The following KLHL6 variants were observed in gnomAD, a reference collection of about 807,000 sequenced individuals.
KLHL6 encodes kelch like family member 6, also known as kelch-like protein 6.
A neutral mutation model predicts 58.6 loss-of-function variants in KLHL6; 41 were observed. The ratio of observed to expected loss-of-function variants is 0.70; its 90% CI spans 0.55 to 0.91. The LOEUF is 0.91. Among genes scored for constraint, KLHL6 ranks in the 40% least tolerant of loss-of-function variants. The pLI is 0.00. For synonymous variants in KLHL6, 338 were observed against 322.7 expected, an observed-to-expected ratio of 1.05 and a Z score of -0.51; for missense variants, 714 against 805.6, an observed-to-expected ratio of 0.89 and a Z score of 1.38.
intron 3 of KLHL6, among the ~76,000 whole-genome samples, chr3:183,504,249 T>C (rs533888390): frequency 6.6e-6 from 1 of 152,338 alleles, no homozygotes; most frequent in African/African-American, 2.4e-5. Context: ...CATTCATTAC[T>C]TAACTCTCAA....
chr3:183,492,109 T>G lies in KLHL6; in HGVS notation c.1684A>C (p.Ile562Leu). 1 of 1,613,884 alleles carries G rather than the reference T, an allele frequency of 6.2e-7. No individual in the cohort carries two copies. Among genetic ancestry groups the G allele is most frequent in the Non-Finnish European group, 8.5e-7 (1 of 1,180,018 alleles). The change falls in exon 7 of 7, where the codon ATC (isoleucine) becomes CTC (leucine). Residue 562 changes from isoleucine to leucine, a missense_variant. This residue lies in a region of KLHL6 where 510 missense variants were observed against 629.7 expected (regional missense o/e 0.81). Transcript: ENST00000341319. The surrounding 1 kb of genome is among the most constrained non-coding windows in gnomAD (Gnocchi z 5.9). ...GIAPCNNRLY[I>L]TGGRDEKNEV... The stretch of plus-strand genomic sequence containing the variant: ...TTCTTCTCGTCCCGCCCGCCGGTGA[T>G]GTAGAGCCGGTTGTTGCAGGGCGCG...
intron 1 of KLHL6, among the ~76,000 whole-genome samples, chr3:183,536,919 A>G (rs1712384114): frequency 6.6e-6 from 1 of 152,162 alleles, no homozygotes; most frequent in Admixed American, 6.5e-5. Flanking sequence ...ATCTCAGCTC[A>G]GTTCGTGGGA....
At chr3:183,527,059 A>G (rs1371244434) in intron 2 of KLHL6, among the ~76,000 whole-genome samples, 1 of 151,922 alleles carries the variant, frequency 6.6e-6, no homozygotes, top group Non-Finnish European at 1.5e-5. Flanking sequence ...AGATGGTGCC[A>G]TTGCATTCCA....
chr3:183,498,835 T>C (rs1560092050), intron 4 of KLHL6, among the ~76,000 whole-genome samples: 1 of 152,126 alleles, frequency 6.6e-6, no homozygotes, highest in Non-Finnish European at 1.5e-5. Context: ...ACTTTCGTAA[T>C]GAAAAAGTAT....
At chr3:183,519,043 C>CGAGCTGAAA (rs1307426102) in intron 2 of KLHL6, among the ~76,000 whole-genome samples, 2 of 152,134 alleles carry the variant, frequency 1.3e-5, no homozygotes, top group African/African-American at 2.4e-5. Context: ...CCTTGATCGC[C>CGAGCTGAAA]GAGCTGAAAG....
At position 183,538,752 on chromosome 3, in the gene KLHL6, T is replaced by C. The variant is rs138599743; in HGVS notation, c.294-10742A>G. Among the ~76,000 whole-genome samples, 48 of 152,266 alleles carry C rather than the reference T, an allele frequency of 3.2e-4. No homozygotes were observed. In the East Asian group the frequency reaches 7.1e-3, roughly 23 times the overall value. On this transcript the variant is annotated intron_variant, in intron 1 of 6. Coordinates refer to ENST00000341319, the MANE Select transcript of KLHL6 (RefSeq NM_130446.4). ...TCTATGGTCCCCAGCACTTCTTAGTTCAAGGCACCAAAACCTGAGCCAATA... is the reference window on the plus strand; with the variant it reads ...TCTATGGTCCCCAGCACTTCTTAGTCCAAGGCACCAAAACCTGAGCCAATA...
chr3:183,491,808 G>C lies in KLHL6; in HGVS notation c.*119C>G. On this transcript the variant is annotated 3_prime_UTR_variant, in exon 7 of 7. Coordinates refer to ENST00000341319, the MANE Select transcript of KLHL6 (RefSeq NM_130446.4). The stretch of plus-strand genomic sequence containing the variant: ...AGGTTCCCCCAAAGTGAGTCAAGGG[G>C]ATCCCCTGATGTATGGCCTCAAACT... 2.3e-6 allele frequency: 2 copies of C among 872,208 alleles called. No individual in the cohort carries two copies. The highest frequency in any genetic ancestry group is 3.9e-4 in the Middle Eastern group (1 of 2,580). 54.0% of individuals were successfully genotyped at this position (872,208 alleles called of 1,614,324 possible).
rs112651138 is a variant in KLHL6 at position 183,523,676 on chromosome 3, G to T, written c.459+4169C>A. Among the ~76,000 whole-genome samples the T allele has an allele frequency of 4.7e-3, 674 of 143,814 alleles. 7 individuals are homozygous for T. The highest frequency in any genetic ancestry group is 0.016 in the African/African-American group (613 of 38,374). 94.3% of individuals were successfully genotyped at this position (143,814 alleles called of 152,430 possible). ...CAATCCCTTACTCTTTCATGAGTTGGTTTTTTTTCCCATGAGTTGTTGTTT... is the reference window on the plus strand; with the variant it reads ...CAATCCCTTACTCTTTCATGAGTTGTTTTTTTTTCCCATGAGTTGTTGTTT... On this transcript the variant is annotated intron_variant, in intron 2 of 6. Transcript: ENST00000341319.
At position 183,490,889 on chromosome 3, in the gene KLHL6, A is replaced by G. The variant is rs1428704024; in HGVS notation, c.*1038T>C. On this transcript the variant is annotated 3_prime_UTR_variant, in exon 7 of 7. Coordinates refer to ENST00000341319, the MANE Select transcript of KLHL6 (RefSeq NM_130446.4). ...ACAGGCCTTCCCAAGCCCATCCCCCAGACCTTTCAAGTGGAAGAACCTATG... is the reference window on the plus strand; with the variant it reads ...ACAGGCCTTCCCAAGCCCATCCCCCGGACCTTTCAAGTGGAAGAACCTATG... The G allele has an allele frequency of 6.6e-6, 1 of 152,122 alleles. No homozygotes were observed. The highest frequency in any genetic ancestry group is 2.4e-5 in the African/African-American group (1 of 41,410). 9.4% of individuals were successfully genotyped at this position (152,122 alleles called of 1,614,324 possible).
chr3:183,526,977 T>C (rs1478212367), intron 2 of KLHL6, among the ~76,000 whole-genome samples: 1 of 151,930 alleles, frequency 6.6e-6, no homozygotes, highest in Non-Finnish European at 1.5e-5. Flanking sequence ...CATGCACCTG[T>C]AGTCCCAGCT....
intron 4 of KLHL6, among the ~76,000 whole-genome samples, chr3:183,494,782 A>G (rs1717670708): frequency 6.6e-6 from 1 of 152,230 alleles, no homozygotes; most frequent in Non-Finnish European, 1.5e-5. Flanking sequence ...GAAATCCTAC[A>G]ACATTCTCCT....
At chr3:183,507,567 G>A (rs1480096040) in intron 3 of KLHL6, among the ~76,000 whole-genome samples, 3 of 152,112 alleles carry the variant, frequency 2.0e-5, no homozygotes, top group African/African-American at 4.8e-5. Flanking sequence ...GAGTAGCTGA[G>A]ACTACAGGTG....
intron 4 of KLHL6, among the ~76,000 whole-genome samples, chr3:183,495,580 A>C (rs74748443): frequency 6.4e-5 from 2 of 31,094 alleles, no homozygotes; most frequent in South Asian, 1.8e-3. Context: ...ATTTTAGGAC[A>C]AAAAAAAAAA....
rs543410784 is a variant in KLHL6, at chr3:183,507,115, C to T, written c.909+944G>A. Among the ~76,000 whole-genome samples, 9 of 152,080 alleles carry T rather than the reference C, an allele frequency of 5.9e-5. No individual in the cohort carries two copies. In the East Asian group the frequency reaches 1.5e-3, roughly 26 times the overall value. On this transcript the variant is annotated intron_variant, in intron 3 of 6. Transcript: ENST00000341319. ...ATGATGCAAGACCAGGCTCTGGGAA[C>T]GTAGGCAGGAAGTATGGGCTTTATT...
chr3:183,542,278 T>C (rs1318432310), intron 1 of KLHL6, among the ~76,000 whole-genome samples: 1 of 152,192 alleles, frequency 6.6e-6, no homozygotes, highest in Non-Finnish European at 1.5e-5. Context: ...ACTTAAAGAC[T>C]CTTCCACGGC....
intron 1 of KLHL6, among the ~76,000 whole-genome samples, chr3:183,541,687 A>AAAAC (rs373234058): frequency 1.3e-5 from 2 of 152,134 alleles, no homozygotes; most frequent in Non-Finnish European, 2.9e-5. Context: ...CAAAACAACA[A>AAAAC]AAACAAACAA....
rs1717588161 is a variant in KLHL6 at position 183,492,424 on chromosome 3, C to T, written c.1564+70G>A. 43 of 1,544,762 alleles carry T rather than the reference C, an allele frequency of 2.8e-5. No homozygotes were observed. The highest frequency in any genetic ancestry group is 3.5e-5 in the Non-Finnish European group (39 of 1,123,010). On this transcript the variant is annotated intron_variant, in intron 6 of 6. Transcript: ENST00000341319. The surrounding 1 kb of genome is among the most constrained non-coding windows in gnomAD (Gnocchi z 5.9). ...CAGCGCTGGAGACACCGCGACACACCGTTTACGTGCTGCAGCCAGGCGCTC... is the reference window on the plus strand; with the variant it reads ...CAGCGCTGGAGACACCGCGACACACTGTTTACGTGCTGCAGCCAGGCGCTC...
intron 2 of KLHL6, among the ~76,000 whole-genome samples, chr3:183,510,737 GGTGGC>G (rs1319077805): frequency 2.6e-5 from 4 of 152,074 alleles, no homozygotes; most frequent in African/African-American, 9.7e-5. Flanking sequence ...AGTCAGGCGT[GGTGGC>G]ACATGCCTGT....
intron 1 of KLHL6, among the ~76,000 whole-genome samples, chr3:183,531,370 A>G (rs1292964923): frequency 1.3e-5 from 2 of 150,732 alleles, no homozygotes; most frequent in Non-Finnish European, 2.9e-5. Flanking sequence ...ATCTAATGGA[A>G]TTTATCTCAC....
Sources: gnomAD v4.1 joint callset for allele counts (sites outside exome capture counted in the v4.1 genomes callset) on GRCh38, gnomAD v4.1.1 for gene constraint, gnomAD v4.1.1 regional missense constraint, Gnocchi (gnomAD v3.1) non-coding constraint, MANE v1.5 for transcripts, NCBI Gene and HGNC (gene_info 2026-07-23, HGNC 2026-07-21) for gene names.